The following ZPLD1 variants were observed in gnomAD, a reference collection of about 807,000 sequenced individuals.
ZPLD1 encodes zona pellucida-like domain-containing protein 1.
Under a neutral mutation model 47.2 loss-of-function variants are expected in ZPLD1, and 34 were observed. That is an observed-to-expected ratio of 0.72 (90% confidence interval 0.55 to 0.96). The LOEUF is 0.96. Among genes scored for constraint, ZPLD1 ranks in the 40% least tolerant of loss-of-function variants. The probability of loss-of-function intolerance (pLI) is 0.00; values close to 1 mark genes in which losing one functional copy is unlikely to be tolerated. For missense variants in ZPLD1, 512 were observed against 505.8 expected (o/e 1.01, Z -0.12); for synonymous variants, 176 against 186.2 (o/e 0.95, Z 0.45).
chr3:102,435,677 C>G (rs927878822), intron 1 of ZPLD1, among the ~76,000 whole-genome samples: 5 of 134,392 alleles, frequency 3.7e-5, no homozygotes, highest in Admixed American at 3.3e-4. Flanking sequence ...GAGTCTTGCT[C>G]TGTAGCCCAG....
At chr3:102,400,908 C>T (rs148111446) in intron 7 of ZPLD1, among the ~76,000 whole-genome samples, 166 of 152,206 alleles carry the variant, frequency 1.1e-3, no homozygotes, top group African/African-American at 3.8e-3. Flanking sequence ...CATGAGGCTA[C>T]TAACCCAGAC....
chr3:102,421,268 A>G (rs1382494060), intron 8 of ZPLD1, among the ~76,000 whole-genome samples: 1 of 151,914 alleles, frequency 6.6e-6, no homozygotes, highest in Non-Finnish European at 1.5e-5. Context: ...AATCTTGTTT[A>G]TATTACATGA....
At chr3:102,412,334 T>C (rs1351465098) in intron 7 of ZPLD1, among the ~76,000 whole-genome samples, 1 of 151,784 alleles carries the variant, frequency 6.6e-6, no homozygotes, top group Non-Finnish European at 1.5e-5. Flanking sequence ...GGATCTGGAA[T>C]ACTTAAGTAG....
At chr3:102,409,505 T>C (rs1167708498) in intron 7 of ZPLD1, among the ~76,000 whole-genome samples, 1 of 151,790 alleles carries the variant, frequency 6.6e-6, no homozygotes, top group Non-Finnish European at 1.5e-5. Flanking sequence ...ATGTAGGAAT[T>C]ATACAAAATA....
At chr3:102,400,851 C>T (rs1706611547) in intron 7 of ZPLD1, among the ~76,000 whole-genome samples, 1 of 151,942 alleles carries the variant, frequency 6.6e-6, no homozygotes, top group Non-Finnish European at 1.5e-5. Flanking sequence ...AGCAATGGAC[C>T]TCTCACCACT....
chr3:102,440,921 A>T (rs1707167161), intron 3 of ZPLD1, among the ~76,000 whole-genome samples: 1 of 152,150 alleles, frequency 6.6e-6, no homozygotes, highest in South Asian at 2.1e-4. Flanking sequence ...AAAAGAAAAT[A>T]CCGAAGCAAT....
intron 1 of ZPLD1, among the ~76,000 whole-genome samples, chr3:102,436,497 G>A (rs977178205): frequency 6.6e-6 from 1 of 152,090 alleles, no homozygotes; most frequent in African/African-American, 2.4e-5. Flanking sequence ...ATGATAAATG[G>A]CAATAAAGAA....
chr3:102,387,586 G>A (rs1706444941), intron 6 of ZPLD1, among the ~76,000 whole-genome samples: 2 of 151,998 alleles, frequency 1.3e-5, no homozygotes, highest in Non-Finnish European at 2.9e-5. Flanking sequence ...CTTCCTTCTA[G>A]GTTAAGAATC....
At chr3:102,426,060 A>G (rs982813951) in intron 8 of ZPLD1, among the ~76,000 whole-genome samples, 1 of 151,828 alleles carries the variant, frequency 6.6e-6, no homozygotes, top group East Asian at 1.9e-4. Context: ...CAAATATACA[A>G]ACATTGAAAT....
At chr3:102,476,373 G>T (rs540961947) in intron 10 of ZPLD1, among the ~76,000 whole-genome samples, 1 of 152,170 alleles carries the variant, frequency 6.6e-6, no homozygotes, top group East Asian at 1.9e-4. Flanking sequence ...TATGTTTATC[G>T]CATCTATTAT....
chr3:102,403,088 A>G (rs1706642246), intron 7 of ZPLD1, among the ~76,000 whole-genome samples: 2 of 151,956 alleles, frequency 1.3e-5, no homozygotes. Context: ...TTTGTGAGAT[A>G]TAATTTACAG....
intron 3 of ZPLD1, among the ~76,000 whole-genome samples, chr3:102,439,852 G>T (rs1425515646): frequency 6.6e-6 from 1 of 152,162 alleles, no homozygotes; most frequent in East Asian, 1.9e-4. Flanking sequence ...CAGCCAAGTT[G>T]CTTCTAAAAT....
At chr3:102,392,733 C>T (rs1443629529) in intron 7 of ZPLD1, among the ~76,000 whole-genome samples, 1 of 152,144 alleles carries the variant, frequency 6.6e-6, no homozygotes, top group Non-Finnish European at 1.5e-5. Flanking sequence ...TCCCACCTCT[C>T]AATATTGCCA....
intron 8 of ZPLD1, among the ~76,000 whole-genome samples, chr3:102,464,548 T>C (rs1308955468): frequency 2.6e-5 from 4 of 152,320 alleles, no homozygotes; most frequent in East Asian, 3.9e-4. Flanking sequence ...AGGAAACGCA[T>C]AGTTAGGATA....
At chr3:102,421,355 T>C (rs1229487160) in intron 8 of ZPLD1, among the ~76,000 whole-genome samples, 1 of 151,882 alleles carries the variant, frequency 6.6e-6, no homozygotes, top group East Asian at 1.9e-4. Context: ...GACCAACTTT[T>C]CTATTTCAAA....
intron 9 of ZPLD1, among the ~76,000 whole-genome samples, chr3:102,470,164 A>G (rs1326294694): frequency 2.6e-5 from 4 of 152,338 alleles, no homozygotes; most frequent in African/African-American, 7.2e-5. Context: ...GAGCTATGTA[A>G]ATTAATGAGG....
intron 6 of ZPLD1, among the ~76,000 whole-genome samples, chr3:102,388,282 A>G (rs780690620): frequency 2.0e-4 from 31 of 152,112 alleles, no homozygotes; most frequent in Non-Finnish European, 4.3e-4. Context: ...ATACTGAGAG[A>G]GTATACTCTC....
chr3:102,437,390 A>T (rs1295022386), intron 2 of ZPLD1, among the ~76,000 whole-genome samples: 1 of 152,222 alleles, frequency 6.6e-6, no homozygotes, highest in Non-Finnish European at 1.5e-5. Context: ...CAAAAGCAAG[A>T]TGTGTTTCCT....
intron 3 of ZPLD1, among the ~76,000 whole-genome samples, chr3:102,441,087 G>T (rs1203234420): frequency 1.3e-5 from 2 of 152,022 alleles, no homozygotes; most frequent in Non-Finnish European, 2.9e-5. Flanking sequence ...CATCAGAGTC[G>T]CTGGCGGCCT....
Sources: allele counts gnomAD v4.1 joint callset (sites outside exome capture counted in the v4.1 genomes callset), GRCh38; gene constraint gnomAD v4.1.1; transcripts MANE v1.5; gene names NCBI Gene and HGNC (gene_info 2026-07-23, HGNC 2026-07-21).